FAM47E: variants seen among roughly 807,000 people sequenced by gnomAD.
FAM47E encodes the protein protein FAM47E.
In FAM47E, 32 loss-of-function variants were observed where a neutral mutation model predicts 41.6. That is an observed-to-expected ratio of 0.77 (90% CI 0.58 to 1.03). The LOEUF is 1.03. Ranked by LOEUF, FAM47E falls within the 50% of genes least tolerant of loss-of-function variation. FAM47E has a pLI of 0.00. For missense variants in FAM47E, 424 were observed against 485.4 expected (o/e 0.87, Z 1.19); for synonymous variants, 184 against 188.7 (o/e 0.98, Z 0.20).
At chr4:76,253,430 C>T (rs557842170) in intron 1 of FAM47E, among the ~76,000 whole-genome samples, 4 of 152,082 alleles carry the variant, frequency 2.6e-5, no homozygotes, top group Non-Finnish European at 5.9e-5. Context: ...AGGGAAATAT[C>T]CATATATCAT....
chr4:76,214,092 G>A (rs1733148172), exon 1 of FAM47E: 3 of 372,148 alleles, frequency 8.1e-6, no homozygotes, highest in African/African-American at 2.1e-5. Context: ...GCCGAACCTG[G>A]TTCACACACT....
At chr4:76,262,423 C>A (rs374653250) in intron 2 of FAM47E, among the ~76,000 whole-genome samples, 3 of 151,674 alleles carry the variant, frequency 2.0e-5, no homozygotes, top group African/African-American at 7.3e-5. Flanking sequence ...TTTTAGTGCC[C>A]CCCACACTAT....
At chr4:76,277,489 C>CA (rs573395947) in intron 5 of FAM47E, among the ~76,000 whole-genome samples, 1,591 of 112,728 alleles carry the variant, frequency 0.014, 31 homozygotes, top group African/African-American at 0.045. Context: ...GACTCCGTCT[C>CA]AAAAAAAAAG....
In FAM47E at chr4:76,261,517, C is replaced by T. The variant is rs182392872; in HGVS notation, c.421-2187C>T. Among the ~76,000 whole-genome samples, 121 of 152,242 alleles carry T rather than the reference C, an allele frequency of 7.9e-4. 1 individual carries two copies. Among genetic ancestry groups the T allele is most frequent in the African/African-American group, 2.7e-3 (113 of 41,542 alleles). ...ATAAAAAGAATGAAGTCATGTCTAT[C>T]GTAGCGACATGGATGGAACTGGAGG... On this transcript the variant is annotated intron_variant, in intron 2 of 7. Coordinates refer to ENST00000424749, the MANE Select transcript of FAM47E (RefSeq NM_001136570.3).
chr4:76,256,895 C>T (rs1367352571), intron 2 of FAM47E, among the ~76,000 whole-genome samples: 1 of 152,144 alleles, frequency 6.6e-6, no homozygotes, highest in Non-Finnish European at 1.5e-5. Context: ...TTATTTTTGT[C>T]ACTTTAGCCT....
intron 1 of FAM47E, 130 bp downstream of exon 1, chr4:76,251,950 T>G: frequency 8.3e-7 from 1 of 1,200,528 alleles, no homozygotes; most frequent in East Asian, 3.2e-5. Flanking sequence ...ATGCTTCCTG[T>G]ACGTACAACA....
rs554854932 is a variant in FAM47E at position 76,263,960 on chromosome 4, T to G, written c.560+117T>G. 9.1e-6 allele frequency: 13 copies of G among 1,421,284 alleles called. No individual in the cohort carries two copies. The East Asian group carries it at 1.3e-4, about 14-fold the overall frequency. The allele number at this position is 1,421,284 out of a possible 1,614,324, so 88.0% of individuals were successfully genotyped here. Reference sequence around the variant, plus strand: ...TTCTAATGAAGCAAATGTAACTAAGTTCCCAAGGAAGAGGGAAAGGAGTCC... The same window carrying G: ...TTCTAATGAAGCAAATGTAACTAAGGTCCCAAGGAAGAGGGAAAGGAGTCC... On this transcript the variant is annotated intron_variant, in intron 3 of 7. Coordinates refer to ENST00000424749, the MANE Select transcript of FAM47E (RefSeq NM_001136570.3).
At chr4:76,224,743 A>G (rs1560728370) in intron 2 of FAM47E, among the ~76,000 whole-genome samples, 1 of 151,812 alleles carries the variant, frequency 6.6e-6, no homozygotes, top group Non-Finnish European at 1.5e-5. Flanking sequence ...TTGTTATTTT[A>G]TTTTATTTAT....
intron 2 of FAM47E, among the ~76,000 whole-genome samples, chr4:76,229,821 T>C (rs565270248): frequency 7.9e-5 from 12 of 152,252 alleles, no homozygotes; most frequent in Non-Finnish European, 1.5e-4. Context: ...CTGGTTATGC[T>C]AGCAGTGAAG....
intron 2 of FAM47E, among the ~76,000 whole-genome samples, chr4:76,241,361 G>T (rs1264202310): frequency 1.3e-5 from 2 of 152,092 alleles, no homozygotes; most frequent in Non-Finnish European, 1.5e-5. Context: ...TTGCCACAAT[G>T]GGGGGGAAGG....
chr4:76,223,730 G>C (rs1733347848), intron 2 of FAM47E, among the ~76,000 whole-genome samples: 4 of 152,114 alleles, frequency 2.6e-5, no homozygotes. Context: ...AGTCCCTCAA[G>C]GCCCAGTCAC....
At chr4:76,233,279 CA>C (rs35816660) in intron 2 of FAM47E, among the ~76,000 whole-genome samples, 23,682 of 152,144 alleles carry the variant, frequency 0.16, 2,123 homozygotes, top group East Asian at 0.35. Flanking sequence ...CATGTGTCCC[CA>C]GGCCTTACCA....
intron 2 of FAM47E, among the ~76,000 whole-genome samples, chr4:76,258,669 C>A (rs1317184976): frequency 6.6e-6 from 1 of 152,072 alleles, no homozygotes; most frequent in African/African-American, 2.4e-5. Flanking sequence ...AGACATAGTC[C>A]CAAACATCAT....
intron 2 of FAM47E, among the ~76,000 whole-genome samples, chr4:76,243,917 G>A (rs928439878): frequency 5.9e-5 from 9 of 151,944 alleles, no homozygotes; most frequent in Non-Finnish European, 7.4e-5. Flanking sequence ...GACAGGCCCC[G>A]GTATGTGTTG....
Position 76,278,342 on chromosome 4 carries a change from C to T in FAM47E, c.1026+118C>T, listed in dbSNP as rs1012705581. 3.6e-6 allele frequency: 4 copies of T among 1,123,632 alleles called. No individual in the cohort carries two copies. In the African/African-American group the frequency reaches 6.4e-5, roughly 18 times the overall value. The allele number at this position is 1,123,632 out of a possible 1,614,324, so 69.6% of individuals were successfully genotyped here. ...ACAAAGGCTCCTGAAAGCCCTCCAC[C>T]TTGCATATTGAATTCAGCAAGGAGA... is the stretch of plus-strand genomic sequence containing the variant. On this transcript the variant is annotated intron_variant, in intron 6 of 7. Transcript: ENST00000424749.
chr4:76,259,758 A>G (rs2110008686), intron 2 of FAM47E, among the ~76,000 whole-genome samples: 1 of 152,348 alleles, frequency 6.6e-6, no homozygotes, highest in East Asian at 1.9e-4. Flanking sequence ...AGATTTGGCA[A>G]TGACAGAAAC....
At chr4:76,222,268 C>T (rs1733322921) in intron 2 of FAM47E, among the ~76,000 whole-genome samples, 1 of 151,726 alleles carries the variant, frequency 6.6e-6, no homozygotes, top group Non-Finnish European at 1.5e-5. Flanking sequence ...ACTCTGTTGC[C>T]CAGGCTGGAG....
At chr4:76,225,179 C>T (rs1733373399) in intron 2 of FAM47E, among the ~76,000 whole-genome samples, 1 of 152,092 alleles carries the variant, frequency 6.6e-6, no homozygotes, top group Non-Finnish European at 1.5e-5. Context: ...TTTTCTTTAT[C>T]CACTCGCACT....
At chr4:76,270,585 C>A (rs748769515) in intron 4 of FAM47E, among the ~76,000 whole-genome samples, 2 of 152,126 alleles carry the variant, frequency 1.3e-5, no homozygotes, top group African/African-American at 2.4e-5. Context: ...GATTGGATTG[C>A]CTGATTTCCA....
Sources: gnomAD v4.1 joint callset for allele counts (sites outside exome capture counted in the v4.1 genomes callset) on GRCh38, gnomAD v4.1.1 for gene constraint, MANE v1.5 for transcripts, NCBI Gene and HGNC (gene_info 2026-07-23, HGNC 2026-07-21) for gene names.